Variants in TMEM217B observed in about 807,000 individuals in gnomAD.
TMEM217B encodes putative transmembrane protein 217B.
chr6:37,237,806 A>C, the TMEM217B span, among the ~76,000 whole-genome samples: 22 of 152,302 alleles, frequency 1.4e-4, no homozygotes, highest in Admixed American at 1.1e-3. Context: ...ATCTTTCTCT[A>C]TATATATACA....
At chr6:37,246,067 GC>G in the TMEM217B span, among the ~76,000 whole-genome samples, 30 of 152,296 alleles carry the variant, frequency 2.0e-4, no homozygotes, top group African/African-American at 6.3e-4. Flanking sequence ...CTCCCAAAGT[GC>G]TGGGATTACA....
chr6:37,238,371 T>C, the TMEM217B span, among the ~76,000 whole-genome samples: 5 of 152,190 alleles, frequency 3.3e-5, no homozygotes, highest in Non-Finnish European at 7.3e-5. Context: ...AAACTACTAT[T>C]TATTAAGCTG....
the TMEM217B span, chr6:37,218,327 C>T: frequency 1.7e-6 from 2 of 1,192,778 alleles, no homozygotes; most frequent in Non-Finnish European, 1.1e-6. Flanking sequence ...TGCCGCCACG[C>T]CTGGCTAATT....
chr6:37,225,399 G>A, the TMEM217B span, among the ~76,000 whole-genome samples: 1 of 151,936 alleles, frequency 6.6e-6, no homozygotes, highest in Non-Finnish European at 1.5e-5. Flanking sequence ...GTAAATAAAA[G>A]AACAAAAGTG....
At chr6:37,212,696 A>C in the TMEM217B span, 32 of 628,470 alleles carry the variant, frequency 5.1e-5, no homozygotes, top group Non-Finnish European at 8.9e-5. Flanking sequence ...GTGATGATCC[A>C]CATGGCATAG....
the TMEM217B span, among the ~76,000 whole-genome samples, chr6:37,231,862 T>C: frequency 6.6e-6 from 1 of 151,514 alleles, no homozygotes; most frequent in African/African-American, 2.4e-5. Context: ...TTCAGACCAT[T>C]ATTCTTCCTC....
the TMEM217B span, among the ~76,000 whole-genome samples, chr6:37,245,671 A>C: frequency 2.0e-5 from 3 of 152,202 alleles, no homozygotes; most frequent in African/African-American, 7.2e-5. Context: ...ACAGAACAAC[A>C]GTGACAATAA....
At chr6:37,241,482 C>T in the TMEM217B span, among the ~76,000 whole-genome samples, 1 of 152,238 alleles carries the variant, frequency 6.6e-6, no homozygotes, top group Non-Finnish European at 1.5e-5. Flanking sequence ...CCTCCAACCT[C>T]AGTAAGGATT....
At chr6:37,223,036 ATTAG>A in the TMEM217B span, among the ~76,000 whole-genome samples, 1 of 152,260 alleles carries the variant, frequency 6.6e-6, no homozygotes. Context: ...TTAAGGAATA[ATTAG>A]TTAACCAGGA....
At chr6:37,225,257 T>G in the TMEM217B span, among the ~76,000 whole-genome samples, 1 of 152,072 alleles carries the variant, frequency 6.6e-6, no homozygotes, top group African/African-American at 2.4e-5. Flanking sequence ...TATTTGGGAT[T>G]GTGGTTACTT....
chr6:37,225,895 G>GT, the TMEM217B span, among the ~76,000 whole-genome samples: 1 of 152,158 alleles, frequency 6.6e-6, no homozygotes, highest in Non-Finnish European at 1.5e-5. Flanking sequence ...CCCCCTTCCT[G>GT]TTTTTTAGCC....
chr6:37,221,040 T>A, the TMEM217B span, among the ~76,000 whole-genome samples: 1 of 152,138 alleles, frequency 6.6e-6, no homozygotes, highest in East Asian at 1.9e-4. Context: ...GTACAAACAA[T>A]CTCTAGAACT....
At chr6:37,218,824 G>T in the TMEM217B span, 1 of 1,614,210 alleles carries the variant, frequency 6.2e-7, no homozygotes, top group Non-Finnish European at 8.5e-7. Flanking sequence ...AAGACAGGAA[G>T]AGGACGATTT....
At chr6:37,218,477 G>A in the TMEM217B span, 21 of 1,613,730 alleles carry the variant, frequency 1.3e-5, no homozygotes, top group Admixed American at 1.7e-5. Flanking sequence ...GAACCCACTC[G>A]AAATTGATAA....
At chr6:37,257,071 G>A in the TMEM217B span, among the ~76,000 whole-genome samples, 2 of 152,162 alleles carry the variant, frequency 1.3e-5, no homozygotes, top group African/African-American at 4.8e-5. Context: ...GCAATACTGT[G>A]TCCTTCAAAG....
chr6:37,232,418 C>T, the TMEM217B span, among the ~76,000 whole-genome samples: 2 of 152,188 alleles, frequency 1.3e-5, no homozygotes, highest in African/African-American at 2.4e-5. Flanking sequence ...CGGAGTCTCG[C>T]TCTGTCGCCC....
the TMEM217B span, among the ~76,000 whole-genome samples, chr6:37,243,236 C>T: frequency 6.6e-6 from 1 of 152,244 alleles, no homozygotes; most frequent in Non-Finnish European, 1.5e-5. Context: ...TTTGCCCCTT[C>T]TTCCACTCTG....
At chr6:37,251,813 A>G in the TMEM217B span, among the ~76,000 whole-genome samples, 1 of 152,178 alleles carries the variant, frequency 6.6e-6, no homozygotes, top group Non-Finnish European at 1.5e-5. Context: ...TATTTATTGC[A>G]GGAGATGGCA....
At chr6:37,258,045 G>C in the TMEM217B span, 2 of 1,537,164 alleles carry the variant, frequency 1.3e-6, no homozygotes, top group African/African-American at 2.7e-5. Context: ...TGAATCCCGC[G>C]GGCCTGGGGC....
Sources: allele counts gnomAD v4.1 joint callset (sites outside exome capture counted in the v4.1 genomes callset), GRCh38; gene constraint gnomAD v4.1.1; transcripts MANE v1.5; gene names NCBI Gene and HGNC (gene_info 2026-07-23, HGNC 2026-07-21).